The following PCSK2 variants were observed in gnomAD, a reference collection of about 807,000 sequenced individuals.
The protein encoded by PCSK2 is proprotein convertase subtilisin/kexin type 2.
PCSK2 carries 14 observed loss-of-function variants against 69.7 expected under a neutral mutation model. The ratio of observed to expected loss-of-function variants is 0.20; its 90% CI spans 0.13 to 0.31. PCSK2 has a LOEUF of 0.31. Ranked by LOEUF, PCSK2 falls within the 10% of genes least tolerant of loss-of-function variation. The probability of loss-of-function intolerance (pLI) is 1.00; values close to 1 mark genes in which losing one functional copy is unlikely to be tolerated. For missense variants in PCSK2, 544 were observed against 842.5 expected (o/e 0.65, Z 4.39); for synonymous variants, 307 against 320.7 (o/e 0.96, Z 0.46).
intron 2 of PCSK2, among the ~76,000 whole-genome samples, chr20:17,356,191 C>T (rs1367124207): frequency 1.8e-4 from 28 of 152,032 alleles, no homozygotes. Flanking sequence ...TAATTTATCT[C>T]CATTTGATGG....
At position 17,260,183 on chromosome 20, in the gene PCSK2, T is replaced by C. The variant is rs1053197724; in HGVS notation, c.178-57T>C. The C allele has an allele frequency of 4.5e-6, 5 of 1,118,406 alleles. No homozygotes were observed. The African/African-American group carries it at 7.7e-5, about 17-fold the overall frequency. The allele number at this position is 1,118,406 out of a possible 1,614,324, so 69.3% of individuals were successfully genotyped here. On this transcript the variant is annotated intron_variant, in intron 1 of 11. Transcript: ENST00000262545. Reference sequence around the variant, plus strand: ...CAAGCAGCCCCAGCTTTGGTGTCCCTGTCCCTGGGCCAACCCCAGAAGCTA... The same window carrying C: ...CAAGCAGCCCCAGCTTTGGTGTCCCCGTCCCTGGGCCAACCCCAGAAGCTA...
chr20:17,470,049 G>A (rs1006281201), intron 11 of PCSK2, among the ~76,000 whole-genome samples: 8 of 152,180 alleles, frequency 5.3e-5, no homozygotes, highest in Non-Finnish European at 8.8e-5. Context: ...AGACAAGACT[G>A]GGAACCACTG....
At chr20:17,325,889 C>T (rs1385647927) in intron 2 of PCSK2, among the ~76,000 whole-genome samples, 1 of 152,196 alleles carries the variant, frequency 6.6e-6, no homozygotes, top group African/African-American at 2.4e-5. Flanking sequence ...AGTGGGCTAA[C>T]CCAGGTATAT....
At chr20:17,237,520 A>C (rs934204161) in intron 1 of PCSK2, among the ~76,000 whole-genome samples, 15 of 152,068 alleles carry the variant, frequency 9.9e-5, no homozygotes, top group African/African-American at 3.6e-4. Context: ...TCAAGAGCAC[A>C]CAGGCCTGTG....
chr20:17,252,841 C>A (rs995189467), intron 1 of PCSK2, among the ~76,000 whole-genome samples: 1 of 152,060 alleles, frequency 6.6e-6, no homozygotes, highest in Non-Finnish European at 1.5e-5. Context: ...AGAGAAGAAA[C>A]TAAAATGTCA....
chr20:17,315,312 GA>G (rs200172322), intron 2 of PCSK2, among the ~76,000 whole-genome samples: 2,473 of 146,428 alleles, frequency 0.017, 77 homozygotes, highest in African/African-American at 0.058. Flanking sequence ...TAAAGAGGAG[GA>G]AAAAAAAAAA....
chr20:17,410,327 C>A (rs1460304480), intron 6 of PCSK2, among the ~76,000 whole-genome samples: 1 of 152,092 alleles, frequency 6.6e-6, no homozygotes, highest in Admixed American at 6.5e-5. Flanking sequence ...TGCTGAGTAT[C>A]ATTTCTATTA....
rs1190760688 is a variant in PCSK2, at chr20:17,411,939, T to C, written c.620+2600T>C. On this transcript the variant is annotated intron_variant, in intron 6 of 11. Coordinates refer to ENST00000262545, the MANE Select transcript of PCSK2 (RefSeq NM_002594.5). Reference sequence around the variant, plus strand: ...TCCAACAGCCTGCAGCTGAGGGACCTGACTGTTAGAAGGAAAACTAACAAA... The same window carrying C: ...TCCAACAGCCTGCAGCTGAGGGACCCGACTGTTAGAAGGAAAACTAACAAA... Among the ~76,000 whole-genome samples, 4 of 152,212 alleles carry C rather than the reference T, an allele frequency of 2.6e-5. No homozygotes were observed. The East Asian group carries it at 7.7e-4, about 29-fold the overall frequency.
At chr20:17,413,112 A>C (rs1450423142) in intron 6 of PCSK2, among the ~76,000 whole-genome samples, 2 of 152,242 alleles carry the variant, frequency 1.3e-5, no homozygotes, top group Non-Finnish European at 2.9e-5. Flanking sequence ...GCTAGGAAGA[A>C]ACTGCATCAA....
chr20:17,397,697 T>G (rs1568632883), intron 5 of PCSK2, among the ~76,000 whole-genome samples: 1 of 152,202 alleles, frequency 6.6e-6, no homozygotes, highest in Non-Finnish European at 1.5e-5. Context: ...CAGGCTGGTC[T>G]TGAACTCCTG....
At chr20:17,338,580 A>G (rs1470765954) in intron 2 of PCSK2, among the ~76,000 whole-genome samples, 4 of 152,206 alleles carry the variant, frequency 2.6e-5, no homozygotes, top group Non-Finnish European at 5.9e-5. Flanking sequence ...TCAGGAGAGT[A>G]GCAACCCTAA....
At chr20:17,361,528 G>A (rs575812339) in intron 4 of PCSK2, among the ~76,000 whole-genome samples, 2 of 152,282 alleles carry the variant, frequency 1.3e-5, no homozygotes, top group South Asian at 4.1e-4. Flanking sequence ...AAGCTCTACT[G>A]TGCATTATTG....
intron 2 of PCSK2, among the ~76,000 whole-genome samples, chr20:17,310,955 T>C (rs1047858673): frequency 2.8e-5 from 4 of 141,908 alleles, no homozygotes; most frequent in Non-Finnish European, 6.0e-5. Context: ...TGAGCCAAGA[T>C]CGCACCACTG....
At chr20:17,454,812 A>C (rs556435174) in intron 9 of PCSK2, among the ~76,000 whole-genome samples, 1 of 152,190 alleles carries the variant, frequency 6.6e-6, no homozygotes, top group Non-Finnish European at 1.5e-5. Context: ...GGACAAAATC[A>C]TTAGTACCAT....
chr20:17,440,850 G>A (rs1291130248), intron 8 of PCSK2, among the ~76,000 whole-genome samples: 2 of 137,140 alleles, frequency 1.5e-5, no homozygotes, highest in African/African-American at 5.9e-5. Flanking sequence ...CATCAGGAGT[G>A]AAACTCTATC....
intron 2 of PCSK2, among the ~76,000 whole-genome samples, chr20:17,332,402 G>A (rs1990228933): frequency 6.6e-6 from 1 of 152,110 alleles, no homozygotes; most frequent in African/African-American, 2.4e-5. Context: ...GTAGAGAAAT[G>A]CCCTGATAGC....
At chr20:17,404,156 C>T (rs2031704108) in intron 5 of PCSK2, among the ~76,000 whole-genome samples, 1 of 152,188 alleles carries the variant, frequency 6.6e-6, no homozygotes, top group African/African-American at 2.4e-5. Context: ...TCCCTGTGGG[C>T]AGGAACCCCT....
chr20:17,338,158 CT>C (rs1990407354), intron 2 of PCSK2, among the ~76,000 whole-genome samples: 1 of 111,168 alleles, frequency 9.0e-6, no homozygotes, highest in African/African-American at 3.3e-5. Context: ...GAGAAGAAAC[CT>C]TACATTTTTT....
rs188680563 is a variant in PCSK2, at chr20:17,335,331, G to A, written c.283-22996G>A. Among the ~76,000 whole-genome samples the A allele has an allele frequency of 6.1e-3, 926 of 152,234 alleles. 13 individuals carry two copies. Among genetic ancestry groups the A allele is most frequent in the African/African-American group, 0.021 (871 of 41,524 alleles). ...CAGGACCATAGCCTCAGGGGGCTCA[G>A]ACTTCTTTACAGGCTGACTGGCTTG... is the stretch of plus-strand genomic sequence containing the variant. On this transcript the variant is annotated intron_variant, in intron 2 of 11. Coordinates refer to ENST00000262545, the MANE Select transcript of PCSK2 (RefSeq NM_002594.5).
Sources: allele counts gnomAD v4.1 joint callset (sites outside exome capture counted in the v4.1 genomes callset), GRCh38; gene constraint gnomAD v4.1.1; transcripts MANE v1.5; gene names NCBI Gene and HGNC (gene_info 2026-07-23, HGNC 2026-07-21).